DENND1A: variants seen among roughly 807,000 people sequenced by gnomAD.
DENND1A encodes DENN domain containing 1A.
DENND1A carries 51 observed loss-of-function variants against 113.7 expected under a neutral mutation model. The ratio of observed to expected loss-of-function variants is 0.45; its 90% confidence interval spans 0.36 to 0.57. DENND1A has a LOEUF of 0.57. Ranked by LOEUF, DENND1A falls within the 20% of genes least tolerant of loss-of-function variation. DENND1A has a pLI of 0.00. For missense variants in DENND1A, 1,258 were observed against 1,395.9 expected (o/e 0.90, Z 1.57); for synonymous variants, 565 against 570.8 (o/e 0.99, Z 0.14).
At chr9:123,610,780 A>G (rs75041124) in intron 10 of DENND1A, among the ~76,000 whole-genome samples, 3,574 of 152,308 alleles carry the variant, frequency 0.023, 50 homozygotes, top group Non-Finnish European at 0.033. Flanking sequence ...TGGAGAAACA[A>G]GGAGTGGTAA....
At chr9:123,637,921 A>G (rs148129235) in intron 9 of DENND1A, among the ~76,000 whole-genome samples, 63,549 of 139,156 alleles carry the variant, frequency 0.46, 14,106 homozygotes, top group African/African-American at 0.6. Flanking sequence ...ACACACACAC[A>G]CACACACACA....
intron 5 of DENND1A, among the ~76,000 whole-genome samples, chr9:123,699,616 CT>C (rs944181388): frequency 2.0e-5 from 3 of 150,642 alleles, no homozygotes; most frequent in Non-Finnish European, 3.0e-5. Context: ...AACTCAGTTC[CT>C]TTTTTTTCCC....
At chr9:123,507,590 T>C (rs2053066539) in intron 13 of DENND1A, among the ~76,000 whole-genome samples, 1 of 151,972 alleles carries the variant, frequency 6.6e-6, no homozygotes, top group Non-Finnish European at 1.5e-5. Context: ...GGCTCACGCC[T>C]GTAATCCCAG....
At chr9:123,676,629 T>A in intron 6 of DENND1A, 91 bp downstream of exon 6, 1 of 1,277,748 alleles carries the variant, frequency 7.8e-7, no homozygotes, top group Non-Finnish European at 1.1e-6. Flanking sequence ...CATGCATCAC[T>A]TTTTTGGTAA....
intron 18 of DENND1A, among the ~76,000 whole-genome samples, chr9:123,443,840 C>T (rs1193373002): frequency 2.0e-5 from 3 of 152,158 alleles, no homozygotes; most frequent in Non-Finnish European, 4.4e-5. Context: ...CCTGAATTCC[C>T]AGCTGCTTGG....
At chr9:123,837,950 C>T (rs1056785274) in intron 2 of DENND1A, among the ~76,000 whole-genome samples, 1 of 152,160 alleles carries the variant, frequency 6.6e-6, no homozygotes, top group African/African-American at 2.4e-5. Context: ...ATTAATAATC[C>T]CATTTTATAA....
chr9:123,705,117 A>G (rs747868981), intron 5 of DENND1A, among the ~76,000 whole-genome samples: 7 of 152,196 alleles, frequency 4.6e-5, no homozygotes, highest in Non-Finnish European at 8.8e-5. Flanking sequence ...CTGTGAAGAC[A>G]GCAAGAACAA....
At chr9:123,588,632 AAG>A (rs2059307331) in intron 11 of DENND1A, among the ~76,000 whole-genome samples, 1 of 116,394 alleles carries the variant, frequency 8.6e-6, no homozygotes, top group Non-Finnish European at 1.8e-5. Flanking sequence ...AAAAAAAAAA[AAG>A]GGGGGGGGGG....
chr9:123,567,210 T>C (rs1031291969), intron 12 of DENND1A, among the ~76,000 whole-genome samples: 1 of 152,252 alleles, frequency 6.6e-6, no homozygotes, highest in Non-Finnish European at 1.5e-5. Context: ...TGTTTCACAA[T>C]GCAATCTGTG....
intron 3 of DENND1A, among the ~76,000 whole-genome samples, chr9:123,782,493 C>T (rs1429584293): frequency 6.6e-6 from 1 of 152,194 alleles, no homozygotes; most frequent in African/African-American, 2.4e-5. Flanking sequence ...ATATTAAATA[C>T]TTGGCCTCCT....
At chr9:123,414,489 T>C in intron 19 of DENND1A, 1 of 1,536,124 alleles carries the variant, frequency 6.5e-7, no homozygotes. Flanking sequence ...AACACCATCC[T>C]GGGAGACGCA....
chr9:123,591,862 T>C (rs1490532970), intron 11 of DENND1A, among the ~76,000 whole-genome samples: 1 of 152,224 alleles, frequency 6.6e-6, no homozygotes, highest in Admixed American at 6.5e-5. Flanking sequence ...ATAACAATCA[T>C]GTAAAATTAG....
At chr9:123,677,522 CT>C (rs1463879664) in intron 5 of DENND1A, among the ~76,000 whole-genome samples, 1 of 152,184 alleles carries the variant, frequency 6.6e-6, no homozygotes, top group Non-Finnish European at 1.5e-5. Context: ...CAACCCCTGC[CT>C]CCCTGGTTCA....
intron 2 of DENND1A, among the ~76,000 whole-genome samples, chr9:123,878,111 G>C (rs887648952): frequency 1.7e-4 from 26 of 151,728 alleles, no homozygotes; most frequent in African/African-American, 6.3e-4. Flanking sequence ...GCTGAGACAG[G>C]AGAATCACTT....
intron 13 of DENND1A, among the ~76,000 whole-genome samples, chr9:123,529,896 T>C (rs1276680715): frequency 1.3e-5 from 2 of 152,252 alleles, no homozygotes; most frequent in East Asian, 1.9e-4. Flanking sequence ...ATCCAGGCTC[T>C]ACCTCTTACT....
At chr9:123,818,584 A>ATATATATG (rs1837964375) in intron 2 of DENND1A, among the ~76,000 whole-genome samples, 2 of 151,278 alleles carry the variant, frequency 1.3e-5, no homozygotes, top group African/African-American at 4.9e-5. Context: ...ATATATATAT[A>ATATATATG]AAATGAGATC....
chr9:123,399,676 G>A (rs149803730), intron 21 of DENND1A, among the ~76,000 whole-genome samples: 1 of 152,320 alleles, frequency 6.6e-6, no homozygotes, highest in East Asian at 1.9e-4. Context: ...AGCCTTCAGG[G>A]AGCCAGAGAG....
At chr9:123,549,502 G>C (rs752997638) in intron 13 of DENND1A, among the ~76,000 whole-genome samples, 1 of 152,004 alleles carries the variant, frequency 6.6e-6, no homozygotes, top group African/African-American at 2.4e-5. Context: ...GCTTTCTTGC[G>C]ATGCTGTGAC....
intron 13 of DENND1A, among the ~76,000 whole-genome samples, chr9:123,525,933 A>T (rs535578686): frequency 4.4e-4 from 67 of 151,766 alleles, no homozygotes; most frequent in South Asian, 6.2e-4. Flanking sequence ...ATTAAAAAAA[A>T]TTTTTTTGTA....
Sources: gnomAD v4.1 joint callset for allele counts (sites outside exome capture counted in the v4.1 genomes callset) on GRCh38, gnomAD v4.1.1 for gene constraint, MANE v1.5 for transcripts, NCBI Gene and HGNC (gene_info 2026-07-23, HGNC 2026-07-21) for gene names.